The following RBM47 variants were observed in gnomAD, a reference collection of about 807,000 sequenced individuals.
RBM47 encodes the protein RNA binding motif protein 47, also known as RNA-binding protein 47.
RBM47 carries 21 observed loss-of-function variants against 47.1 expected under a neutral mutation model. That is an observed-to-expected ratio of 0.45 (90% CI 0.32 to 0.64). The LOEUF (loss-of-function observed/expected upper bound fraction) is 0.64. RBM47 is among the 30% of genes least tolerant of loss of function. The pLI, the probability that RBM47 is intolerant of heterozygous loss-of-function variation, is 0.05. For synonymous variants in RBM47, 375 were observed against 361.7 expected (o/e 1.04, Z -0.42); for missense variants, 708 against 870.9 (o/e 0.81, Z 2.35).
In RBM47 at chr4:40,597,877, G is replaced by A. The variant is rs189342509; in HGVS notation, c.-240+31519C>T. 7.8e-4 allele frequency among the ~76,000 whole-genome samples: 119 copies of A among 152,234 alleles called. 1 individual carries two copies. Among genetic ancestry groups the A allele is most frequent in the South Asian group, 7.7e-3 (37 of 4,828 alleles). On this transcript the variant is annotated intron_variant, in intron 1 of 6. Coordinates refer to ENST00000295971, the MANE Select transcript of RBM47 (RefSeq NM_001098634.2). ...CATCTAGCCAGAAGGAGCAGACACT[G>A]GCAAAAATGTATTCACCTCTCTAAT...
At position 40,528,867 on chromosome 4, in the gene RBM47, C is replaced by T. The variant is rs142007185; in HGVS notation, c.-155+15555G>A. Among the ~76,000 whole-genome samples the T allele has an allele frequency of 3.4e-3, 511 of 150,392 alleles. 2 individuals are homozygous for T. Among genetic ancestry groups the T allele is most frequent in the African/African-American group, 0.011 (446 of 41,102 alleles). On this transcript the variant is annotated intron_variant, in intron 2 of 6. Coordinates refer to ENST00000295971, the MANE Select transcript of RBM47 (RefSeq NM_001098634.2). ...CTAAGGCAGGAGAATGGCGTGAACC[C>T]GGGAGGCGGAGCTTGCAGTGAGCCG... is the stretch of plus-strand genomic sequence containing the variant.
At chr4:40,561,884 A>C (rs1730671309) in intron 1 of RBM47, among the ~76,000 whole-genome samples, 1 of 151,972 alleles carries the variant, frequency 6.6e-6, no homozygotes, top group Non-Finnish European at 1.5e-5. Context: ...CTTTTACTAG[A>C]TCAGAAATCT....
rs752905554 is a variant in RBM47 at position 40,425,991 on chromosome 4, C to A, written c.1695G>T (p.Met565Ile). The change falls in exon 7 of 7, where the codon ATG (methionine) becomes ATT (isoleucine). Residue 565 changes from methionine (M) to isoleucine (I), a missense_variant. Coordinates refer to ENST00000295971, the MANE Select transcript of RBM47 (RefSeq NM_001098634.2). Reference protein sequence around the residue: ...LQKNAAAAAAMYGGYAGYIPQ... With the variant: ...LQKNAAAAAAIYGGYAGYIPQ... ...GTATGTAGCCTGCGTATCCTCCATA[C>A]ATGGCGGCCGCGGCTGCCGCGTTCT... is the stretch of plus-strand genomic sequence containing the variant. The A allele has an allele frequency of 1.1e-5, 17 of 1,614,094 alleles. No individual in the cohort carries two copies. The highest frequency in any genetic ancestry group is 1.4e-5 in the Non-Finnish European group (16 of 1,180,040).
chr4:40,531,255 G>A (rs1056388462), intron 2 of RBM47, among the ~76,000 whole-genome samples: 4 of 152,136 alleles, frequency 2.6e-5, no homozygotes, highest in Admixed American at 1.3e-4. Context: ...AGATGAGATC[G>A]GGAGTGATCA....
intron 1 of RBM47, among the ~76,000 whole-genome samples, chr4:40,616,624 G>C (rs1224929382): frequency 6.6e-6 from 1 of 152,044 alleles, no homozygotes; most frequent in Non-Finnish European, 1.5e-5. Context: ...ATACAAATCA[G>C]CCTTTCATTA....
chr4:40,498,670 CAAAA>C (rs910303039), intron 2 of RBM47, among the ~76,000 whole-genome samples: 1 of 62,574 alleles, frequency 1.6e-5, no homozygotes, highest in African/African-American at 5.4e-5. Flanking sequence ...GACTCCATCT[CAAAA>C]AAAAAAAAAA....
chr4:40,448,318 AG>A (rs1157011934), intron 3 of RBM47, among the ~76,000 whole-genome samples: 1 of 151,728 alleles, frequency 6.6e-6, no homozygotes, highest in Non-Finnish European at 1.5e-5. Context: ...TGTGTGTTTG[AG>A]ATGAGTATGC....
Position 40,593,502 on chromosome 4 carries a change from G to A in RBM47, c.-240+35894C>T, listed in dbSNP as rs529225939. Among the ~76,000 whole-genome samples the A allele has an allele frequency of 1.2e-4, 18 of 152,172 alleles. 1 individual carries two copies. In the East Asian group the frequency reaches 2.1e-3, roughly 18 times the overall value. ...AGAAAATCATTTTTCTCGGGAGGCC[G>A]AGGCAGGTGGATCACCTGAGGTCGG... On this transcript the variant is annotated intron_variant, in intron 1 of 6. Transcript: ENST00000295971.
intron 2 of RBM47, among the ~76,000 whole-genome samples, chr4:40,542,163 C>G (rs1208990429): frequency 1.3e-5 from 2 of 152,032 alleles, no homozygotes; most frequent in African/African-American, 4.8e-5. Flanking sequence ...TCTGTCTGAA[C>G]CACAAAAACA....
At chr4:40,493,171 G>C (rs1722118679) in intron 2 of RBM47, among the ~76,000 whole-genome samples, 1 of 152,118 alleles carries the variant, frequency 6.6e-6, no homozygotes, top group African/African-American at 2.4e-5. Flanking sequence ...ATATTTATAG[G>C]ATTCCCCCTA....
At chr4:40,462,978 C>T (rs1717397370) in intron 3 of RBM47, among the ~76,000 whole-genome samples, 1 of 152,064 alleles carries the variant, frequency 6.6e-6, no homozygotes, top group African/African-American at 2.4e-5. Flanking sequence ...AACTTTTGTG[C>T]ACCAAAGGAC....
chr4:40,463,434 T>C (rs796069762), intron 3 of RBM47, among the ~76,000 whole-genome samples: 9 of 152,296 alleles, frequency 5.9e-5, no homozygotes, highest in African/African-American at 1.9e-4. Context: ...GAATGTATAA[T>C]GGTGCAGCTT....
chr4:40,509,759 G>A (rs990518390), intron 2 of RBM47, among the ~76,000 whole-genome samples: 7 of 152,052 alleles, frequency 4.6e-5, no homozygotes, highest in African/African-American at 1.4e-4. Flanking sequence ...GGTGGCGGGC[G>A]CCTGTAGTCC....
intron 3 of RBM47, among the ~76,000 whole-genome samples, chr4:40,449,220 C>T (rs746984754): frequency 6.6e-6 from 1 of 152,094 alleles, no homozygotes; most frequent in Non-Finnish European, 1.5e-5. Context: ...TTTTTTCTAT[C>T]ACAGGCAGGG....
chr4:40,488,548 T>C (rs1421833452), intron 2 of RBM47, among the ~76,000 whole-genome samples: 1 of 152,120 alleles, frequency 6.6e-6, no homozygotes, highest in African/African-American at 2.4e-5. Context: ...AGGCCGGCAA[T>C]TGGTCTGAGA....
chr4:40,603,880 G>A (rs1735501865), intron 1 of RBM47, among the ~76,000 whole-genome samples: 2 of 152,098 alleles, frequency 1.3e-5, no homozygotes, highest in South Asian at 2.1e-4. Flanking sequence ...GGGATTACAG[G>A]CGTGAGCCAC....
chr4:40,519,593 A>G (rs1198209734), intron 2 of RBM47, among the ~76,000 whole-genome samples: 1 of 149,922 alleles, frequency 6.7e-6, no homozygotes, highest in Non-Finnish European at 1.5e-5. Context: ...CACCACACCC[A>G]GCATCCTTCA....
intron 3 of RBM47, among the ~76,000 whole-genome samples, chr4:40,440,499 T>G (rs1713453607): frequency 6.6e-6 from 1 of 152,214 alleles, no homozygotes; most frequent in African/African-American, 2.4e-5. Context: ...AAGGGAAATT[T>G]CAAGGATAAT....
intron 3 of RBM47, among the ~76,000 whole-genome samples, chr4:40,460,403 T>TGAGCTC (rs1166445764): frequency 4.6e-5 from 7 of 152,214 alleles, no homozygotes; most frequent in Non-Finnish European, 1.0e-4. Context: ...TTACAGTGCT[T>TGAGCTC]GAGCTCGAGC....
Sources: allele counts gnomAD v4.1 joint callset (sites outside exome capture counted in the v4.1 genomes callset), GRCh38; gene constraint gnomAD v4.1.1; transcripts MANE v1.5; gene names NCBI Gene and HGNC (gene_info 2026-07-23, HGNC 2026-07-21).